The following ZBTB7C variants were observed in gnomAD, a reference collection of about 807,000 sequenced individuals.
ZBTB7C encodes the protein zinc finger and BTB domain-containing protein 7C.
ZBTB7C carries 8 observed loss-of-function variants against 25.7 expected under a neutral mutation model. That is an observed-to-expected ratio of 0.31 (90% CI 0.18 to 0.56). The LOEUF is 0.56. Ranked by LOEUF, ZBTB7C falls within the 20% of genes least tolerant of loss-of-function variation. The probability of loss-of-function intolerance (pLI) is 0.91; values close to 1 mark genes in which losing one functional copy is unlikely to be tolerated. For synonymous variants in ZBTB7C, 394 were observed against 369.0 expected, an observed-to-expected ratio of 1.07 and a Z score of -0.78; for missense variants, 824 against 855.2, an observed-to-expected ratio of 0.96 and a Z score of 0.46.
intron 1 of ZBTB7C, among the ~76,000 whole-genome samples, chr18:48,388,375 C>T (rs930249855): frequency 6.6e-6 from 1 of 151,970 alleles, no homozygotes; most frequent in Admixed American, 6.6e-5. Flanking sequence ...GGAATGTGTT[C>T]CTTAAGGTCA....
intron 3 of ZBTB7C, chr18:48,077,062 C>CAAAAAAA (rs10539603): frequency 5.7e-5 from 23 of 401,906 alleles, no homozygotes; most frequent in African/African-American, 4.7e-4. Context: ...TTGTTATATG[C>CAAAAAAA]AAAAAAAAAA....
chr18:48,401,457 C>A (rs1428180194), intron 1 of ZBTB7C, among the ~76,000 whole-genome samples: 1 of 152,126 alleles, frequency 6.6e-6, no homozygotes, highest in Non-Finnish European at 1.5e-5. Flanking sequence ...ACTCAGAGAG[C>A]TTATGTGATG....
chr18:48,316,901 G>C (rs1419592532), intron 2 of ZBTB7C, among the ~76,000 whole-genome samples: 1 of 152,188 alleles, frequency 6.6e-6, no homozygotes, highest in Non-Finnish European at 1.5e-5. Context: ...CTGTAAAATG[G>C]GGATATGTGT....
At chr18:48,190,304 T>C (rs976073631) in intron 2 of ZBTB7C, among the ~76,000 whole-genome samples, 1 of 152,198 alleles carries the variant, frequency 6.6e-6, no homozygotes, top group African/African-American at 2.4e-5. Flanking sequence ...ATATTAACTA[T>C]ATGATGGTTT....
chr18:48,092,527 A>C (rs1180011038), intron 3 of ZBTB7C, among the ~76,000 whole-genome samples: 2 of 152,258 alleles, frequency 1.3e-5, no homozygotes, highest in Non-Finnish European at 2.9e-5. Flanking sequence ...GGTGTGGAGG[A>C]GATAATACAA....
chr18:48,074,073 G>C (rs951073985), intron 3 of ZBTB7C, among the ~76,000 whole-genome samples: 5 of 151,278 alleles, frequency 3.3e-5, no homozygotes, highest in Non-Finnish European at 5.9e-5. Flanking sequence ...GAGTGCAGTG[G>C]CACAATCTCA....
At chr18:48,049,713 G>A (rs1048151302) in intron 3 of ZBTB7C, among the ~76,000 whole-genome samples, 9 of 152,184 alleles carry the variant, frequency 5.9e-5, no homozygotes, top group African/African-American at 1.4e-4. Flanking sequence ...AAGTCACGCA[G>A]CTAGAAAACA....
chr18:48,131,991 A>G (rs146482031), intron 3 of ZBTB7C, among the ~76,000 whole-genome samples: 56 of 152,352 alleles, frequency 3.7e-4, no homozygotes, highest in Middle Eastern at 6.8e-3. Context: ...AGTTTCCCAA[A>G]GGGTAACTAT....
At chr18:48,166,981 T>G (rs1007266699) in intron 3 of ZBTB7C, among the ~76,000 whole-genome samples, 1 of 152,144 alleles carries the variant, frequency 6.6e-6, no homozygotes, top group African/African-American at 2.4e-5. Context: ...CAACCTCAGC[T>G]GGAAGCACAA....
intron 3 of ZBTB7C, among the ~76,000 whole-genome samples, chr18:48,103,737 G>T (rs1021209329): frequency 5.9e-5 from 9 of 152,050 alleles, no homozygotes; most frequent in African/African-American, 2.2e-4. Context: ...TCCATACATT[G>T]GGATATTATT....
chr18:48,323,002 A>T lies in ZBTB7C; in HGVS notation c.-79+15172T>A, dbSNP rs12232750. Among the ~76,000 whole-genome samples the T allele has an allele frequency of 8.5e-5, 13 of 152,294 alleles. No individual in the cohort carries two copies. In the East Asian group the frequency reaches 2.5e-3, roughly 29 times the overall value. On this transcript the variant is annotated intron_variant, in intron 2 of 4. Coordinates refer to ENST00000590800, the MANE Select transcript of ZBTB7C (RefSeq NM_001318841.2). ...CACAAGTGGAAACTAAGCTGTGAGG[A>T]TGCAAAGGCATAAGAATAATACAAT...
chr18:48,046,661 G>A (rs1463297558), intron 3 of ZBTB7C, among the ~76,000 whole-genome samples: 2 of 152,164 alleles, frequency 1.3e-5, no homozygotes, highest in African/African-American at 2.4e-5. Flanking sequence ...GGTGATCAGC[G>A]TCCCACTGTG....
intron 2 of ZBTB7C, among the ~76,000 whole-genome samples, chr18:48,321,386 G>A (rs993970957): frequency 6.6e-6 from 1 of 152,210 alleles, no homozygotes; most frequent in African/African-American, 2.4e-5. Flanking sequence ...ACTGTGCTGG[G>A]TAGAGCATGT....
chr18:48,319,815 G>A (rs1478931673), intron 2 of ZBTB7C, among the ~76,000 whole-genome samples: 1 of 152,080 alleles, frequency 6.6e-6, no homozygotes, highest in Non-Finnish European at 1.5e-5. Context: ...AATAAAGGCA[G>A]CCCACACACA....
chr18:48,043,686 G>C (rs1407355521), intron 3 of ZBTB7C, among the ~76,000 whole-genome samples: 2 of 152,062 alleles, frequency 1.3e-5, no homozygotes, highest in African/African-American at 4.8e-5. Context: ...TTCATATCCT[G>C]GTTGATATTG....
intron 2 of ZBTB7C, among the ~76,000 whole-genome samples, chr18:48,201,763 A>G (rs552201351): frequency 1.8e-4 from 28 of 152,348 alleles, no homozygotes; most frequent in African/African-American, 6.7e-4. Context: ...AGGCTGCATA[A>G]ATAAAAAGCA....
intron 3 of ZBTB7C, among the ~76,000 whole-genome samples, chr18:48,077,821 G>C (rs549386797): frequency 6.6e-6 from 1 of 152,274 alleles, no homozygotes; most frequent in African/African-American, 2.4e-5. Flanking sequence ...TACCCTGCTG[G>C]CTCCCTGGTT....
chr18:48,115,091 C>T (rs28814006), intron 3 of ZBTB7C, among the ~76,000 whole-genome samples: 9,302 of 152,234 alleles, frequency 0.061, 397 homozygotes, highest in African/African-American at 0.11. Context: ...CCTTTCCATC[C>T]AGCCCCTGGT....
At chr18:48,215,455 T>A (rs1279003707) in intron 2 of ZBTB7C, among the ~76,000 whole-genome samples, 1 of 152,156 alleles carries the variant, frequency 6.6e-6, no homozygotes, top group East Asian at 1.9e-4. Flanking sequence ...ATATGAGAGG[T>A]ATACATTGGT....
Sources: gnomAD v4.1 joint callset for allele counts (sites outside exome capture counted in the v4.1 genomes callset) on GRCh38, gnomAD v4.1.1 for gene constraint, MANE v1.5 for transcripts, NCBI Gene and HGNC (gene_info 2026-07-23, HGNC 2026-07-21) for gene names.